Variants in HCN1 observed in about 807,000 individuals in gnomAD.
HCN1 encodes the protein potassium/sodium hyperpolarization-activated cyclic nucleotide-gated channel 1.
HCN1 carries 13 observed loss-of-function variants against 78.9 expected under a neutral mutation model. The observed-to-expected ratio is 0.16, with a 90% CI of 0.11 to 0.26. The LOEUF (loss-of-function observed/expected upper bound fraction) is 0.26. Ranked by LOEUF, HCN1 falls within the 10% of genes least tolerant of loss-of-function variation. HCN1 has a pLI of 1.00. For missense variants in HCN1, 810 were observed against 1,154.3 expected, an observed-to-expected ratio of 0.70 and a Z score of 4.32; for synonymous variants, 552 against 455.5, an observed-to-expected ratio of 1.21 and a Z score of -2.70.
intron 2 of HCN1, among the ~76,000 whole-genome samples, chr5:45,467,147 G>A (rs906159537): frequency 1.3e-5 from 2 of 151,768 alleles, no homozygotes; most frequent in African/African-American, 4.8e-5. Context: ...GCCACCTCAC[G>A]AAATGCTTTC....
chr5:45,492,920 C>T (rs1308282360), intron 2 of HCN1, among the ~76,000 whole-genome samples: 1 of 152,044 alleles, frequency 6.6e-6, no homozygotes, highest in Non-Finnish European at 1.5e-5. Context: ...TTAGAAAAGT[C>T]TGTGGATTGG....
chr5:45,622,623 G>C (rs959458734), intron 2 of HCN1, among the ~76,000 whole-genome samples: 3 of 151,928 alleles, frequency 2.0e-5, no homozygotes, highest in Admixed American at 6.6e-5. Flanking sequence ...CAAGGAAACA[G>C]ATTGCCAGGG....
intron 3 of HCN1, among the ~76,000 whole-genome samples, chr5:45,450,073 C>T (rs1294234528): frequency 6.6e-6 from 1 of 152,172 alleles, no homozygotes; most frequent in Non-Finnish European, 1.5e-5. Flanking sequence ...CCTCGTGATA[C>T]GCCTGCCTCG....
intron 4 of HCN1, among the ~76,000 whole-genome samples, chr5:45,372,035 T>C (rs1326566801): frequency 3.5e-5 from 2 of 57,000 alleles, no homozygotes; most frequent in Non-Finnish European, 5.3e-5. Context: ...AATATAATTA[T>C]ATATATATTA....
intron 3 of HCN1, among the ~76,000 whole-genome samples, chr5:45,439,326 T>A (rs1330275387): frequency 6.6e-6 from 1 of 151,994 alleles, no homozygotes; most frequent in African/African-American, 2.4e-5. Flanking sequence ...CATATTAGAG[T>A]GGCTGTAGAG....
intron 5 of HCN1, among the ~76,000 whole-genome samples, chr5:45,314,022 C>A (rs1394648691): frequency 6.6e-6 from 1 of 151,900 alleles, no homozygotes; most frequent in Non-Finnish European, 1.5e-5. Context: ...GAGAATGCCA[C>A]AAAGATACGA....
rs1426765140 is a variant in HCN1 at position 45,258,542 on chromosome 5, T to G, written c.*3379A>C. The G allele has an allele frequency of 6.6e-6, 1 of 152,128 alleles. No individual in the cohort carries two copies. The highest frequency in any genetic ancestry group is 1.5e-5 in the Non-Finnish European group (1 of 67,982). 9.4% of individuals were successfully genotyped at this position (152,128 alleles called of 1,614,324 possible). On this transcript the variant is annotated 3_prime_UTR_variant, in exon 8 of 8. Coordinates refer to ENST00000303230, the MANE Select transcript of HCN1 (RefSeq NM_021072.4). ...TTATCCTCCTTGTTTTCAGGAATGCTTCACTACTTATTCTCATTATGATAA... is the reference window on the plus strand; with the variant it reads ...TTATCCTCCTTGTTTTCAGGAATGCGTCACTACTTATTCTCATTATGATAA...
At chr5:45,401,088 TTTTC>T (rs1444920367) in intron 3 of HCN1, among the ~76,000 whole-genome samples, 2 of 152,204 alleles carry the variant, frequency 1.3e-5, no homozygotes, top group African/African-American at 4.8e-5. Context: ...TCCATATATC[TTTTC>T]TTTCTGTCAG....
chr5:45,472,539 G>A (rs866644994), intron 2 of HCN1, among the ~76,000 whole-genome samples: 1 of 147,626 alleles, frequency 6.8e-6, no homozygotes, highest in Non-Finnish European at 1.5e-5. Context: ...AGGAAGGGAG[G>A]GAGGGAGGGA....
At chr5:45,392,183 A>G (rs1243007875) in intron 4 of HCN1, among the ~76,000 whole-genome samples, 2 of 152,138 alleles carry the variant, frequency 1.3e-5, no homozygotes, top group Admixed American at 1.3e-4. Context: ...TGAAGATAAG[A>G]GCAGGTTTTG....
chr5:45,513,812 G>A (rs945879650), intron 2 of HCN1, among the ~76,000 whole-genome samples: 9 of 152,118 alleles, frequency 5.9e-5, no homozygotes, highest in African/African-American at 9.7e-5. Flanking sequence ...TGGGGACTGT[G>A]GCTATAGCCC....
At chr5:45,692,762 C>T (rs1308019546) in intron 1 of HCN1, among the ~76,000 whole-genome samples, 1 of 151,892 alleles carries the variant, frequency 6.6e-6, no homozygotes, top group East Asian at 1.9e-4. Flanking sequence ...CAGCCTTGTC[C>T]CTTGAGGTAA....
At position 45,667,420 on chromosome 5, in the gene HCN1, A is replaced by C. The variant is rs1746070565; in HGVS notation, c.426-21812T>G. Among the ~76,000 whole-genome samples, 3 of 152,042 alleles carry C rather than the reference A, an allele frequency of 2.0e-5. 1 individual carries two copies. In the South Asian group the frequency reaches 6.2e-4, roughly 32 times the overall value. On this transcript the variant is annotated intron_variant, in intron 1 of 7. Transcript: ENST00000303230. The stretch of plus-strand genomic sequence containing the variant: ...AAAATTATATATCAGACTTAAAAAA[A>C]ATAAAGGTATTTAAGACTTACAACC...
intron 2 of HCN1, among the ~76,000 whole-genome samples, chr5:45,510,051 C>G (rs767485837): frequency 6.6e-6 from 1 of 152,044 alleles, no homozygotes; most frequent in Non-Finnish European, 1.5e-5. Flanking sequence ...ACTTCACATC[C>G]GACATCATTT....
chr5:45,319,267 C>T (rs1474484085), intron 5 of HCN1, among the ~76,000 whole-genome samples: 1 of 151,866 alleles, frequency 6.6e-6, no homozygotes, highest in Non-Finnish European at 1.5e-5. Context: ...ACAGTTGCTG[C>T]CAAAAGTTTT....
At chr5:45,445,141 G>C (rs533795995) in intron 3 of HCN1, among the ~76,000 whole-genome samples, 1 of 152,274 alleles carries the variant, frequency 6.6e-6, no homozygotes, top group East Asian at 1.9e-4. Context: ...TCAAAGAAAG[G>C]GGTGACAGAT....
In HCN1 at chr5:45,655,561, C is replaced by A. The variant is rs147094386; in HGVS notation, c.426-9953G>T. Reference sequence around the variant, plus strand: ...TGACAATACTTCCACCTATTCTTATCAGTCACCTATCTGAGCAGGTGGTTT... The same window carrying A: ...TGACAATACTTCCACCTATTCTTATAAGTCACCTATCTGAGCAGGTGGTTT... On this transcript the variant is annotated intron_variant, in intron 1 of 7. Coordinates refer to ENST00000303230, the MANE Select transcript of HCN1 (RefSeq NM_021072.4). Among the ~76,000 whole-genome samples the A allele has an allele frequency of 3.6e-3, 543 of 152,254 alleles. 2 individuals are homozygous for A. The highest frequency in any genetic ancestry group is 6.3e-3 in the Non-Finnish European group (425 of 67,992).
intron 2 of HCN1, among the ~76,000 whole-genome samples, chr5:45,563,021 T>C (rs1332002716): frequency 2.0e-5 from 3 of 152,166 alleles, no homozygotes; most frequent in Non-Finnish European, 2.9e-5. Flanking sequence ...TAGAAACAAA[T>C]TCATATAAAC....
chr5:45,305,641 A>G (rs1045269326), intron 5 of HCN1, among the ~76,000 whole-genome samples: 1 of 151,848 alleles, frequency 6.6e-6, no homozygotes, highest in Non-Finnish European at 1.5e-5. Flanking sequence ...ATATGCATGC[A>G]TATAAAGGAA....
Sources: allele counts gnomAD v4.1 joint callset (sites outside exome capture counted in the v4.1 genomes callset), GRCh38; gene constraint gnomAD v4.1.1; transcripts MANE v1.5; gene names NCBI Gene and HGNC (gene_info 2026-07-23, HGNC 2026-07-21).